The following MYO3B variants were observed in gnomAD, a reference collection of about 807,000 sequenced individuals.
The protein encoded by MYO3B is myosin-IIIb.
Under a neutral mutation model 174.6 loss-of-function variants are expected in MYO3B, and 156 were observed. The ratio of observed to expected loss-of-function variants is 0.89; its 90% CI spans 0.78 to 1.02. The LOEUF (loss-of-function observed/expected upper bound fraction) is 1.02, where lower values mean the gene tolerates loss of function less well. MYO3B is among the 50% of genes least tolerant of loss of function. The probability of loss-of-function intolerance (pLI) is 0.00; values close to 1 mark genes in which losing one functional copy is unlikely to be tolerated. For missense variants in MYO3B, 1,632 were observed against 1,639.4 expected, an observed-to-expected ratio of 1.00 and a Z score of 0.08; for synonymous variants, 563 against 569.1, an observed-to-expected ratio of 0.99 and a Z score of 0.15.
At chr2:170,404,454 GTCA>G (rs1202185662) in intron 20 of MYO3B, 54 bp downstream of exon 20, 18 of 1,519,112 alleles carry the variant, frequency 1.2e-5, no homozygotes, top group Non-Finnish European at 1.6e-5. Context: ...CTTGGCTTGT[GTCA>G]TCAATTGAGT....
chr2:170,531,914 G>A (rs78554944), intron 30 of MYO3B, among the ~76,000 whole-genome samples: 2,231 of 152,300 alleles, frequency 0.015, 86 homozygotes, highest in East Asian at 0.14. Context: ...AATTGTTTCA[G>A]GCAATAATTA....
Position 170,391,521 on chromosome 2 carries a change from A to G in MYO3B, c.1579A>G (p.Arg527Gly). The G allele has an allele frequency of 7.0e-7, 1 of 1,426,694 alleles. No homozygotes were observed. The highest frequency in any genetic ancestry group is 9.5e-7 in the Non-Finnish European group (1 of 1,055,896). 88.4% of individuals were successfully genotyped at this position (1,426,694 alleles called of 1,614,324 possible). The change falls in exon 15 of 35, where the codon AGA becomes GGA. Residue 527 changes from arginine (R) to glycine (G), a missense_variant and splice_region_variant. Arg to Gly is a moderately radical substitution (Grantham distance 125). Coordinates refer to ENST00000408978, the MANE Select transcript of MYO3B (RefSeq NM_138995.5). ...EKSRVIKQAA[R>G]EKNFHIFYYI... is the part of the protein sequence containing the mutation. ...TACTAAAGTCTCTTTTTTTTTCAGG[A>G]GAGAGAAAAATTTTCATATATTTTA...
chr2:170,601,848 C>G (rs1694529220), intron 32 of MYO3B: 3 of 927,008 alleles, frequency 3.2e-6, no homozygotes, highest in Admixed American at 2.0e-5. Context: ...CTACCAGTTT[C>G]TTTGCAACAT....
chr2:170,463,806 C>T (rs1367420613), intron 24 of MYO3B, among the ~76,000 whole-genome samples: 1 of 152,054 alleles, frequency 6.6e-6, no homozygotes, highest in African/African-American at 2.4e-5. Context: ...TTGAATTGAC[C>T]CCTTGTAAAA....
chr2:170,524,949 T>A (rs1688911202), intron 30 of MYO3B, among the ~76,000 whole-genome samples: 1 of 152,186 alleles, frequency 6.6e-6, no homozygotes, highest in African/African-American at 2.4e-5. Flanking sequence ...CAGCACTCAT[T>A]TTTTAACTGG....
chr2:170,334,763 A>G (rs544686407), intron 7 of MYO3B: 3 of 151,194 alleles, frequency 2.0e-5, no homozygotes, highest in Non-Finnish European at 4.4e-5. Context: ...TCTTTCTGCC[A>G]TTCTCTCATT....
chr2:170,191,122 G>A (rs1362259280), intron 1 of MYO3B, among the ~76,000 whole-genome samples: 1 of 151,846 alleles, frequency 6.6e-6, no homozygotes, highest in African/African-American at 2.4e-5. Flanking sequence ...CCCAGGGTGT[G>A]TCTAGAAATG....
intron 7 of MYO3B, among the ~76,000 whole-genome samples, chr2:170,241,527 G>T (rs969100865): frequency 6.6e-6 from 1 of 152,210 alleles, no homozygotes; most frequent in Non-Finnish European, 1.5e-5. Flanking sequence ...TTGAGTTGCA[G>T]AGATGACAGA....
chr2:170,547,758 T>A (rs1690624889), intron 32 of MYO3B, among the ~76,000 whole-genome samples: 1 of 152,260 alleles, frequency 6.6e-6, no homozygotes, highest in East Asian at 1.9e-4. Context: ...CCTGTCCACA[T>A]GATGCTACAC....
chr2:170,226,762 C>A (rs893559766), intron 6 of MYO3B, among the ~76,000 whole-genome samples: 1 of 152,110 alleles, frequency 6.6e-6, no homozygotes, highest in African/African-American at 2.4e-5. Context: ...ACATCCCCTC[C>A]GAGTGCTGAG....
At chr2:170,293,055 G>T (rs114542264) in intron 7 of MYO3B, among the ~76,000 whole-genome samples, 2,339 of 152,196 alleles carry the variant, frequency 0.015, 54 homozygotes, top group African/African-American at 0.054. Flanking sequence ...GAGGCCTCAA[G>T]GATTTGGAAG....
At chr2:170,253,785 G>C (rs1429981869) in intron 7 of MYO3B, among the ~76,000 whole-genome samples, 1 of 148,282 alleles carries the variant, frequency 6.7e-6, no homozygotes, top group African/African-American at 2.5e-5. Context: ...ATGATCAACT[G>C]TATCAAATGC....
chr2:170,520,647 G>A (rs1207875021), intron 30 of MYO3B, among the ~76,000 whole-genome samples: 1 of 152,026 alleles, frequency 6.6e-6, no homozygotes, highest in East Asian at 1.9e-4. Flanking sequence ...CCACAGGTTT[G>A]AGTTAAATAT....
intron 32 of MYO3B, among the ~76,000 whole-genome samples, chr2:170,566,669 T>C (rs1692096414): frequency 1.3e-5 from 2 of 152,132 alleles, no homozygotes; most frequent in Non-Finnish European, 2.9e-5. Flanking sequence ...AGTTACTAGA[T>C]CACACAGGTA....
intron 32 of MYO3B, among the ~76,000 whole-genome samples, chr2:170,567,478 TTTGTTTTTA>T (rs1250730446): frequency 6.6e-6 from 1 of 152,240 alleles, no homozygotes; most frequent in African/African-American, 2.4e-5. Flanking sequence ...ATGACATTCC[TTTGTTTTTA>T]TTGTTTTTAA....
At chr2:170,265,463 A>G (rs1269654109) in intron 7 of MYO3B, among the ~76,000 whole-genome samples, 1 of 152,264 alleles carries the variant, frequency 6.6e-6, no homozygotes, top group Non-Finnish European at 1.5e-5. Context: ...GTTATTAGGA[A>G]CACTGCCAGG....
chr2:170,407,565 T>G, intron 21 of MYO3B, 150 bp from the exon 22 acceptor site: 1 of 187,122 alleles, frequency 5.3e-6, no homozygotes, highest in Non-Finnish European at 8.9e-6. Context: ...ACATCATAAT[T>G]ATTCCCTTTA....
At chr2:170,185,518 C>T (rs1325885480) in intron 1 of MYO3B, among the ~76,000 whole-genome samples, 1 of 152,078 alleles carries the variant, frequency 6.6e-6, no homozygotes, top group Non-Finnish European at 1.5e-5. Flanking sequence ...TGTTTTTATG[C>T]CAGTGCCATG....
intron 32 of MYO3B, among the ~76,000 whole-genome samples, chr2:170,648,995 A>T (rs185520122): frequency 0.032 from 2,371 of 73,856 alleles, 89 homozygotes; most frequent in Non-Finnish European, 0.041. Flanking sequence ...ATAATGTATA[A>T]TATATAAAAT....
Sources: allele counts gnomAD v4.1 joint callset (sites outside exome capture counted in the v4.1 genomes callset), GRCh38; gene constraint gnomAD v4.1.1; transcripts MANE v1.5; gene names NCBI Gene and HGNC (gene_info 2026-07-23, HGNC 2026-07-21).